The following SATB2 variants were observed in gnomAD, a reference collection of about 807,000 sequenced individuals.
SATB2 encodes SATB homeobox 2, also known as DNA-binding protein SATB2.
A neutral mutation model predicts 73.4 loss-of-function variants in SATB2; 1 was observed. The observed-to-expected ratio is 0.01, with a 90% CI of 0.00 to 0.06. SATB2 has a LOEUF of 0.06. Ranked by LOEUF, SATB2 falls within the 10% of genes least tolerant of loss-of-function variation. The pLI, the probability that SATB2 is intolerant of heterozygous loss-of-function variation, is 1.00. For synonymous variants in SATB2, 397 were observed against 367.0 expected (o/e 1.08, Z -0.93); for missense variants, 459 against 945.8 (o/e 0.49, Z 6.75).
intron 3 of SATB2, among the ~76,000 whole-genome samples, chr2:199,401,061 T>C (rs907397333): frequency 2.0e-5 from 3 of 152,180 alleles, no homozygotes; most frequent in African/African-American, 4.8e-5. Context: ...TAAAAAGCTG[T>C]GCCATGCTAA....
At chr2:199,420,804 T>C (rs1479026522) in intron 3 of SATB2, among the ~76,000 whole-genome samples, 4 of 152,188 alleles carry the variant, frequency 2.6e-5, no homozygotes, top group African/African-American at 9.6e-5. Context: ...TATAATGTAA[T>C]ATGTTAAATC....
rs550652125 is a variant in SATB2 at position 199,441,578 on chromosome 2, C to T, written c.170-8064G>A. On this transcript the variant is annotated intron_variant, in intron 2 of 10. Transcript: ENST00000417098. ...GATACTACTTTGCAACCCCTGAGGC[C>T]AATCTTAACTTTGGACAATAAGAAC... 2.6e-5 allele frequency among the ~76,000 whole-genome samples: 4 copies of T among 152,236 alleles called. No individual in the cohort carries two copies. The East Asian group carries it at 5.8e-4, about 22-fold the overall frequency.
At chr2:199,386,700 G>A (rs1193048794) in intron 3 of SATB2, among the ~76,000 whole-genome samples, 46 of 2,144 alleles carry the variant, frequency 0.021, no homozygotes, top group South Asian at 0.11. Flanking sequence ...GCGCAAGCGC[G>A]CGCGCGCGCG....
At chr2:199,355,341 TGTG>T (rs1688944496) in intron 6 of SATB2, among the ~76,000 whole-genome samples, 1 of 17,198 alleles carries the variant, frequency 5.8e-5, no homozygotes. Flanking sequence ...TGTGTGTGTG[TGTG>T]TATCTATATA....
intron 6 of SATB2, among the ~76,000 whole-genome samples, chr2:199,351,364 T>C (rs1011367728): frequency 6.6e-6 from 1 of 152,104 alleles, no homozygotes; most frequent in Non-Finnish European, 1.5e-5. Context: ...GGTTTCGCCA[T>C]GTTGGCCAGG....
chr2:199,440,176 A>T (rs1308805745), intron 2 of SATB2, among the ~76,000 whole-genome samples: 4 of 152,166 alleles, frequency 2.6e-5, no homozygotes. Flanking sequence ...AAGAAAGAAT[A>T]GGGTGTTTCT....
intron 10 of SATB2, among the ~76,000 whole-genome samples, chr2:199,282,151 G>A (rs1692525048): frequency 6.6e-6 from 1 of 152,086 alleles, no homozygotes; most frequent in Admixed American, 6.6e-5. Flanking sequence ...AAAGTGCTGG[G>A]ATTACAGGCG....
At position 199,329,041 on chromosome 2, in the gene SATB2, T is replaced by C; in HGVS notation, c.1174-131A>G. 4 of 722,046 alleles carry C rather than the reference T, an allele frequency of 5.5e-6. No homozygotes were observed. In the South Asian group the frequency reaches 6.0e-5, roughly 11 times the overall value. 44.7% of individuals were successfully genotyped at this position (722,046 alleles called of 1,614,324 possible). ...TGTGATGTCAAGAACCTCACACTAATTCCTTAGGGTTCTCCGATATGAAGT... is the reference window on the plus strand; with the variant it reads ...TGTGATGTCAAGAACCTCACACTAACTCCTTAGGGTTCTCCGATATGAAGT... On this transcript the variant is annotated intron_variant, in intron 7 of 10. Coordinates refer to ENST00000417098, the MANE Select transcript of SATB2 (RefSeq NM_001172509.2).
At chr2:199,394,494 T>G (rs1690241416) in intron 3 of SATB2, among the ~76,000 whole-genome samples, 1 of 152,076 alleles carries the variant, frequency 6.6e-6, no homozygotes, top group South Asian at 2.1e-4. Flanking sequence ...TTACATTCTA[T>G]TAGAAAAAAG....
intron 2 of SATB2, among the ~76,000 whole-genome samples, chr2:199,436,031 GCT>G (rs1691642262): frequency 6.6e-6 from 1 of 152,120 alleles, no homozygotes; most frequent in Admixed American, 6.5e-5. Flanking sequence ...AAGTTTCGAT[GCT>G]GAAAATCCAT....
At chr2:199,408,539 C>T (rs908793504) in intron 3 of SATB2, among the ~76,000 whole-genome samples, 1 of 152,092 alleles carries the variant, frequency 6.6e-6, no homozygotes, top group Admixed American at 6.5e-5. Context: ...GGGGGATATA[C>T]TAGCTTGGTG....
intron 2 of SATB2, among the ~76,000 whole-genome samples, chr2:199,445,739 T>A (rs1371667044): frequency 6.6e-6 from 1 of 152,182 alleles, no homozygotes; most frequent in Non-Finnish European, 1.5e-5. Context: ...AACAATTTGC[T>A]CTTCTTATAC....
intron 3 of SATB2, among the ~76,000 whole-genome samples, chr2:199,385,246 C>A (rs1301346180): frequency 6.6e-6 from 1 of 152,084 alleles, no homozygotes; most frequent in East Asian, 1.9e-4. Flanking sequence ...GCTAGCCTCC[C>A]ACATCAGCCT....
chr2:199,371,129 A>G (rs1467169070), intron 5 of SATB2, among the ~76,000 whole-genome samples: 1 of 152,122 alleles, frequency 6.6e-6, no homozygotes, highest in Non-Finnish European at 1.5e-5. Context: ...TCCTCAGAAG[A>G]CTTTAAAATC....
upstream of SATB2, among the ~76,000 whole-genome samples, chr2:199,465,573 C>A (rs898986146): frequency 6.6e-6 from 1 of 152,086 alleles, no homozygotes; most frequent in Non-Finnish European, 1.5e-5. Context: ...GGAACCATGC[C>A]GTAATTTAAA....
intron 6 of SATB2, among the ~76,000 whole-genome samples, chr2:199,364,068 A>G (rs1019263030): frequency 2.6e-5 from 4 of 152,186 alleles, no homozygotes; most frequent in African/African-American, 9.7e-5. Context: ...CACCATGGCT[A>G]AGCAAGGGCT....
At chr2:199,326,982 A>G (rs748552670) in intron 8 of SATB2, among the ~76,000 whole-genome samples, 35 of 152,226 alleles carry the variant, frequency 2.3e-4, no homozygotes, top group Non-Finnish European at 4.7e-4. Flanking sequence ...GTGTGAAAAA[A>G]TGGATATACT....
intron 3 of SATB2, among the ~76,000 whole-genome samples, chr2:199,431,288 A>G (rs1481680105): frequency 6.6e-6 from 1 of 152,244 alleles, no homozygotes; most frequent in Non-Finnish European, 1.5e-5. Context: ...CATACTTTTA[A>G]TGATCTGAAT....
chr2:199,305,034 T>C (rs1040443508), intron 10 of SATB2, among the ~76,000 whole-genome samples: 1 of 152,128 alleles, frequency 6.6e-6, no homozygotes, highest in African/African-American at 2.4e-5. Flanking sequence ...TAAATTAATA[T>C]AAAAATAAAT....
Sources: allele counts gnomAD v4.1 joint callset (sites outside exome capture counted in the v4.1 genomes callset), GRCh38; gene constraint gnomAD v4.1.1; transcripts MANE v1.5; gene names NCBI Gene and HGNC (gene_info 2026-07-23, HGNC 2026-07-21).